CFAP61: variants seen among roughly 807,000 people sequenced by gnomAD.
CFAP61 encodes the protein cilia and flagella associated protein 61.
Under a neutral mutation model 135.6 loss-of-function variants are expected in CFAP61, and 107 were observed. The observed-to-expected ratio is 0.79, with a 90% CI of 0.67 to 0.93. The LOEUF is 0.93. Among genes scored for constraint, CFAP61 ranks in the 40% least tolerant of loss-of-function variants. The pLI, the probability that CFAP61 is intolerant of heterozygous loss-of-function variation, is 0.00. For synonymous variants in CFAP61, 575 were observed against 578.5 expected (o/e 0.99, Z 0.09); for missense variants, 1,507 against 1,556.2 (o/e 0.97, Z 0.53).
At chr20:20,319,578 G>A (rs747169077) in intron 25 of CFAP61, among the ~76,000 whole-genome samples, 1 of 152,190 alleles carries the variant, frequency 6.6e-6, no homozygotes, top group Non-Finnish European at 1.5e-5. Context: ...AGACATGCCT[G>A]CTTCCCTTCA....
chr20:20,089,396 A>G (rs917339068), intron 6 of CFAP61, among the ~76,000 whole-genome samples: 30 of 151,960 alleles, frequency 2.0e-4, no homozygotes, highest in African/African-American at 7.0e-4. Context: ...TTATATATAT[A>G]TATATATACT....
chr20:20,091,693 T>G (rs950356300), intron 7 of CFAP61, among the ~76,000 whole-genome samples: 4 of 152,170 alleles, frequency 2.6e-5, no homozygotes, highest in Non-Finnish European at 4.4e-5. Flanking sequence ...ATTATTATTT[T>G]TTGAGATGGA....
At chr20:20,165,182 A>G (rs2053726931) in intron 11 of CFAP61, among the ~76,000 whole-genome samples, 1 of 152,152 alleles carries the variant, frequency 6.6e-6, no homozygotes, top group South Asian at 2.1e-4. Flanking sequence ...CTCAGGTCTC[A>G]GGTCTGCATC....
intron 13 of CFAP61, among the ~76,000 whole-genome samples, chr20:20,176,705 T>A (rs1478982500): frequency 6.6e-6 from 1 of 151,890 alleles, no homozygotes; most frequent in African/African-American, 2.4e-5. Context: ...ACAACACACA[T>A]TGGGGCCTGT....
intron 21 of CFAP61, among the ~76,000 whole-genome samples, chr20:20,267,184 G>A (rs2052823603): frequency 6.6e-6 from 1 of 152,006 alleles, no homozygotes; most frequent in South Asian, 2.1e-4. Flanking sequence ...CAGTCTTGAA[G>A]AGGGACAGGA....
At chr20:20,270,997 C>T (rs1477391999) in intron 21 of CFAP61, among the ~76,000 whole-genome samples, 1 of 152,166 alleles carries the variant, frequency 6.6e-6, no homozygotes, top group African/African-American at 2.4e-5. Context: ...AAAATGTGAT[C>T]GCTTTATGTG....
At chr20:20,070,760 G>T in intron 2 of CFAP61, 94 bp from the exon 3 acceptor site, 1 of 1,105,420 alleles carries the variant, frequency 9.0e-7, no homozygotes, top group Admixed American at 2.4e-5. Flanking sequence ...TGCAGTGGCT[G>T]CTGAGCTCCA....
intron 8 of CFAP61, among the ~76,000 whole-genome samples, chr20:20,102,080 T>A (rs1373365358): frequency 6.6e-6 from 1 of 152,212 alleles, no homozygotes; most frequent in East Asian, 1.9e-4. Flanking sequence ...CAGGCTTTTT[T>A]AAAACTGTGA....
intron 26 of CFAP61, among the ~76,000 whole-genome samples, chr20:20,355,019 G>C (rs1397990314): frequency 7.2e-6 from 1 of 139,204 alleles, no homozygotes; most frequent in Admixed American, 7.3e-5. Flanking sequence ...CACTGCAAGA[G>C]GGGAGGTGAT....
intron 8 of CFAP61, among the ~76,000 whole-genome samples, chr20:20,135,698 T>C (rs1290078159): frequency 6.6e-6 from 1 of 152,230 alleles, no homozygotes; most frequent in Non-Finnish European, 1.5e-5. Context: ...ATTTATATCT[T>C]ACTGTACTAT....
At chr20:20,317,599 C>A (rs940699263) in intron 25 of CFAP61, among the ~76,000 whole-genome samples, 1 of 152,130 alleles carries the variant, frequency 6.6e-6, no homozygotes, top group Non-Finnish European at 1.5e-5. Context: ...AAGAGGGCAC[C>A]AAATGCCACC....
At chr20:20,268,049 G>A (rs549669294) in intron 21 of CFAP61, among the ~76,000 whole-genome samples, 54 of 152,324 alleles carry the variant, frequency 3.5e-4, no homozygotes, top group African/African-American at 1.3e-3. Context: ...AGCCATCCGT[G>A]ACCGTCCTGG....
chr20:20,341,912 C>T lies in CFAP61; in HGVS notation c.3504C>T (p.Ala1168=), dbSNP rs1203758107. 6.2e-7 allele frequency: 1 copy of T among 1,610,002 alleles called. No individual in the cohort carries two copies. Among genetic ancestry groups the T allele is most frequent in the African/African-American group, 1.3e-5 (1 of 74,832 alleles). ...DLRKELRQIL[A]SKEEEDLPSI... ...GGAAAGAGTTACGCCAAATCTTAGC[C>T]TCCAAGGAGGTAAGAGTGATTAATG... Residue 1168 remains alanine (A), a synonymous_variant, in exon 26 of 27, where the codon GCC becomes GCT. Transcript: ENST00000245957.
At chr20:20,061,759 T>C (rs949074083) in intron 2 of CFAP61, among the ~76,000 whole-genome samples, 5 of 152,188 alleles carry the variant, frequency 3.3e-5, no homozygotes, top group Non-Finnish European at 7.4e-5. Flanking sequence ...GTAGTCCCCA[T>C]GTTTTCTATC....
At chr20:20,171,832 CTG>C (rs1261849065) in intron 13 of CFAP61, 3 of 695,112 alleles carry the variant, frequency 4.3e-6, no homozygotes, top group Non-Finnish European at 8.0e-6. Context: ...TCAAAGGGCT[CTG>C]TGGCATGCAA....
chr20:20,238,131 A>T (rs890009728), intron 18 of CFAP61, among the ~76,000 whole-genome samples: 2 of 152,154 alleles, frequency 1.3e-5, no homozygotes, highest in Non-Finnish European at 2.9e-5. Flanking sequence ...AGAAAGTTAA[A>T]TTTTTTTCAG....
chr20:20,357,280 A>G (rs1482419421), intron 26 of CFAP61, among the ~76,000 whole-genome samples: 1 of 11,348 alleles, frequency 8.8e-5, no homozygotes, highest in Non-Finnish European at 1.7e-4. Flanking sequence ...TCACACTGAG[A>G]GGAGGTGGTC....
chr20:20,301,306 G>A lies in CFAP61; in HGVS notation c.3422+2920G>A, dbSNP rs970809861. On this transcript the variant is annotated intron_variant, in intron 25 of 26. Coordinates refer to ENST00000245957, the MANE Select transcript of CFAP61 (RefSeq NM_015585.4). ...ACAATTGCCTACAGTATTCAGTATAGAAACCTGTACAAGTTTGTAACCTAG... is the reference window on the plus strand; with the variant it reads ...ACAATTGCCTACAGTATTCAGTATAAAAACCTGTACAAGTTTGTAACCTAG... Among the ~76,000 whole-genome samples the A allele has an allele frequency of 6.6e-5, 10 of 152,134 alleles. No individual in the cohort carries two copies. In the East Asian group the frequency reaches 1.4e-3, roughly 21 times the overall value.
intron 25 of CFAP61, among the ~76,000 whole-genome samples, chr20:20,309,450 C>CACTTCCTG (rs2056685426): frequency 6.6e-6 from 1 of 152,132 alleles, no homozygotes; most frequent in Admixed American, 6.5e-5. Context: ...TTCCTGGGTG[C>CACTTCCTG]CAGGCAGACC....
Sources: allele counts gnomAD v4.1 joint callset (sites outside exome capture counted in the v4.1 genomes callset), GRCh38; gene constraint gnomAD v4.1.1; transcripts MANE v1.5; gene names NCBI Gene and HGNC (gene_info 2026-07-23, HGNC 2026-07-21).